Variants in MBOAT1 observed in about 807,000 individuals in gnomAD.
MBOAT1 encodes the protein membrane bound glycerophospholipid O-acyltransferase 1.
A neutral mutation model predicts 64.4 loss-of-function variants in MBOAT1; 67 were observed. The ratio of observed to expected loss-of-function variants is 1.04; its 90% CI spans 0.85 to 1.27. The LOEUF (loss-of-function observed/expected upper bound fraction) is 1.27. MBOAT1 is among the 50% of genes most tolerant of loss of function. The probability of loss-of-function intolerance (pLI) is 0.00; values close to 1 mark genes in which losing one functional copy is unlikely to be tolerated. For synonymous variants in MBOAT1, 229 were observed against 218.9 expected (o/e 1.05, Z -0.41); for missense variants, 563 against 604.6 (o/e 0.93, Z 0.72).
chr6:20,186,429 C>A (rs1342806848), intron 1 of MBOAT1, among the ~76,000 whole-genome samples: 1 of 152,188 alleles, frequency 6.6e-6, no homozygotes, highest in African/African-American at 2.4e-5. Flanking sequence ...GGTGTTGTCA[C>A]CTTTCCTGGA....
intron 4 of MBOAT1, among the ~76,000 whole-genome samples, chr6:20,134,969 AG>A (rs1328291497): frequency 2.0e-5 from 3 of 150,188 alleles, no homozygotes; most frequent in Non-Finnish European, 4.4e-5. Context: ...CTAAAAGCAC[AG>A]GAAGGACAAA....
chr6:20,101,225 C>T lies in MBOAT1; in HGVS notation c.*1061G>A, dbSNP rs74838052. ...ATTTGGGTGTCTTCTCAAGACCAAC[C>T]CCGGGCAAGCAGGTGGCGCCTGTGA... is the stretch of plus-strand genomic sequence containing the variant. On this transcript the variant is annotated 3_prime_UTR_variant, in exon 13 of 13. Transcript: ENST00000324607. 5.9e-3 allele frequency among the ~76,000 whole-genome samples: 899 copies of T among 152,262 alleles called. 8 individuals carry two copies. The highest frequency in any genetic ancestry group is 0.015 in the African/African-American group (637 of 41,554).
intron 1 of MBOAT1, among the ~76,000 whole-genome samples, chr6:20,208,042 A>G (rs1175077364): frequency 1.3e-5 from 2 of 152,218 alleles, no homozygotes; most frequent in African/African-American, 4.8e-5. Flanking sequence ...CTGGAATGTG[A>G]GCTGAGCTTT....
intron 7 of MBOAT1, chr6:20,125,996 A>G: frequency 3.5e-6 from 1 of 287,748 alleles, no homozygotes; most frequent in South Asian, 3.0e-5. Flanking sequence ...AGATTGATAA[A>G]ATTCAGTTAA....
At chr6:20,179,014 T>G (rs1451910469) in intron 1 of MBOAT1, among the ~76,000 whole-genome samples, 7 of 152,106 alleles carry the variant, frequency 4.6e-5, no homozygotes, top group Middle Eastern at 3.4e-3. Context: ...TGTGCCATGG[T>G]GATTTGCTGC....
rs79802123 is a variant in MBOAT1 at position 20,200,061 on chromosome 6, G to C, written c.99+12075C>G. ...TTATCTTTTACTAGAATGCAGAAAG[G>C]AGGCTATAAACACCTCAACATCCCT... On this transcript the variant is annotated intron_variant, in intron 1 of 12. Transcript: ENST00000324607. Among the ~76,000 whole-genome samples the C allele has an allele frequency of 2.9e-3, 446 of 152,288 alleles. 4 individuals carry two copies. The highest frequency in any genetic ancestry group is 0.01 in the African/African-American group (424 of 41,568).
intron 1 of MBOAT1, among the ~76,000 whole-genome samples, chr6:20,205,375 A>G (rs1251785371): frequency 2.6e-5 from 4 of 152,188 alleles, no homozygotes; most frequent in African/African-American, 9.7e-5. Flanking sequence ...CTTAAGCCAG[A>G]CAGGTAAACT....
At chr6:20,168,222 T>C (rs539670607) in intron 1 of MBOAT1, among the ~76,000 whole-genome samples, 1 of 152,258 alleles carries the variant, frequency 6.6e-6, no homozygotes, top group East Asian at 1.9e-4. Context: ...TTTGAAATAG[T>C]AAAAATTAAT....
chr6:20,116,031 G>C (rs1760308795), intron 9 of MBOAT1, among the ~76,000 whole-genome samples: 1 of 151,788 alleles, frequency 6.6e-6, no homozygotes, highest in Non-Finnish European at 1.5e-5. Flanking sequence ...CCAAGTTCTA[G>C]TGATAAAAAG....
At chr6:20,119,996 T>TGTGTGTGC (rs1561749651) in intron 8 of MBOAT1, among the ~76,000 whole-genome samples, 6 of 93,840 alleles carry the variant, frequency 6.4e-5, no homozygotes, top group African/African-American at 2.4e-4. Context: ...TTTCTGTGTG[T>TGTGTGTGC]GTGTGTGTGC....
At chr6:20,203,548 AAGTCAT>A (rs1763179486) in intron 1 of MBOAT1, among the ~76,000 whole-genome samples, 1 of 152,234 alleles carries the variant, frequency 6.6e-6, no homozygotes, top group Non-Finnish European at 1.5e-5. Context: ...TATCTTAATT[AAGTCAT>A]TCATTCCAAT....
At chr6:20,189,543 G>A (rs548455722) in intron 1 of MBOAT1, among the ~76,000 whole-genome samples, 13 of 152,266 alleles carry the variant, frequency 8.5e-5, no homozygotes, top group African/African-American at 3.1e-4. Flanking sequence ...TGGGATTACA[G>A]ACATGCACCA....
chr6:20,142,239 G>A (rs1407086464), intron 4 of MBOAT1, among the ~76,000 whole-genome samples: 2 of 152,152 alleles, frequency 1.3e-5, no homozygotes, highest in Non-Finnish European at 2.9e-5. Flanking sequence ...AGTATTTAAT[G>A]CATTCATTTC....
At chr6:20,113,035 C>A in intron 10 of MBOAT1, 27 bp from the exon 11 acceptor site, 1 of 1,603,142 alleles carries the variant, frequency 6.2e-7, no homozygotes, top group East Asian at 2.2e-5. Context: ...GAACAAGACA[C>A]AGGTGAAACA....
intron 1 of MBOAT1, among the ~76,000 whole-genome samples, chr6:20,163,295 C>G (rs894843872): frequency 5.3e-5 from 8 of 152,150 alleles, no homozygotes; most frequent in Non-Finnish European, 1.2e-4. Context: ...CGCTGTTACT[C>G]CTCACCTCTG....
intron 1 of MBOAT1, among the ~76,000 whole-genome samples, chr6:20,160,576 T>G: frequency 6.6e-6 from 1 of 152,204 alleles, no homozygotes; most frequent in East Asian, 1.9e-4. Flanking sequence ...CTCCAACTGC[T>G]TAATAACAAG....
chr6:20,169,270 G>T (rs936407863), intron 1 of MBOAT1, among the ~76,000 whole-genome samples: 5 of 152,196 alleles, frequency 3.3e-5, no homozygotes, highest in Non-Finnish European at 5.9e-5. Context: ...AGAGTGGGTT[G>T]TGAAGTTCTC....
chr6:20,137,390 A>T (rs1761029263), intron 4 of MBOAT1, among the ~76,000 whole-genome samples: 1 of 152,202 alleles, frequency 6.6e-6, no homozygotes, highest in Non-Finnish European at 1.5e-5. Flanking sequence ...GTGAGCAAAA[A>T]GGAAGAATCA....
chr6:20,206,261 C>A (rs902321848), intron 1 of MBOAT1, among the ~76,000 whole-genome samples: 3 of 152,184 alleles, frequency 2.0e-5, no homozygotes, highest in African/African-American at 7.2e-5. Context: ...GCAACTTCCC[C>A]ATCCTGGGTT....
Sources: allele counts gnomAD v4.1 joint callset (sites outside exome capture counted in the v4.1 genomes callset), GRCh38; gene constraint gnomAD v4.1.1; transcripts MANE v1.5; gene names NCBI Gene and HGNC (gene_info 2026-07-23, HGNC 2026-07-21).